The following ZNF446 variants were observed in gnomAD, a reference collection of about 807,000 sequenced individuals.
ZNF446 encodes zinc finger protein with KRAB and SCAN domains 20.
ZNF446 carries 42 observed loss-of-function variants against 34.0 expected under a neutral mutation model. The ratio of observed to expected loss-of-function variants is 1.23; its 90% CI spans 0.96 to 1.60. The LOEUF (loss-of-function observed/expected upper bound fraction) is 1.60. Ranked by LOEUF, ZNF446 falls within the 40% of genes most tolerant of loss-of-function variation. The probability of loss-of-function intolerance (pLI) is 0.00; values close to 1 mark genes in which losing one functional copy is unlikely to be tolerated. For missense variants in ZNF446, 650 were observed against 600.2 expected, an observed-to-expected ratio of 1.08 and a Z score of -0.87; for synonymous variants, 315 against 251.0, an observed-to-expected ratio of 1.25 and a Z score of -2.41.
chr19:58,479,069 C>T (rs2053114455), intron 4 of ZNF446, among the ~76,000 whole-genome samples: 2 of 152,202 alleles, frequency 1.3e-5, no homozygotes, highest in Admixed American at 1.3e-4. Flanking sequence ...CACTGGGGAG[C>T]TTCAGCAGCA....
the ZNF446 span, among the ~76,000 whole-genome samples, chr19:58,488,469 A>G: frequency 6.6e-6 from 1 of 152,174 alleles, no homozygotes; most frequent in African/African-American, 2.4e-5. Flanking sequence ...ACACATCAAT[A>G]TAACGTGATG....
the ZNF446 span, among the ~76,000 whole-genome samples, chr19:58,486,717 T>TTGGG: frequency 7.8e-5 from 7 of 89,972 alleles, no homozygotes; most frequent in African/African-American, 2.6e-4. Flanking sequence ...CTTTTTTTTT[T>TTGGG]GGGGGGGGGC....
In ZNF446 at chr19:58,480,544, G is replaced by C. The variant is rs1207309068; in HGVS notation, c.1171G>C (p.Gly391Arg). ...GCACCACCCCCGACGCTCACTCACA[G>C]GCCCCCGGAGTTACCCGTGTGAGGA... ...FPHHPRRSLTGPRSYPCEECG... is the reference protein window; with the variant it reads ...FPHHPRRSLTRPRSYPCEECG... The change falls in exon 7 of 7, where the codon GGC becomes CGC. Residue 391 changes from glycine to arginine, a missense_variant. By Grantham distance (125) the Gly-to-Arg change is moderately radical (BLOSUM62 -2). Coordinates refer to ENST00000594369, the MANE Select transcript of ZNF446 (RefSeq NM_017908.4). The surrounding 1 kb of genome is among the most constrained non-coding windows in gnomAD (Gnocchi z 7.2). 12 of 1,612,814 alleles carry C rather than the reference G, an allele frequency of 7.4e-6. No individual in the cohort carries two copies. The highest frequency in any genetic ancestry group is 1.0e-5 in the Non-Finnish European group (12 of 1,179,810).
chr19:58,485,097 A>G (rs374895980), downstream of ZNF446, among the ~76,000 whole-genome samples: 91 of 152,296 alleles, frequency 6.0e-4, 1 homozygote, highest in East Asian at 0.014. Context: ...AAAAGATTCT[A>G]AAATGCATGT....
downstream of ZNF446, among the ~76,000 whole-genome samples, chr19:58,486,224 C>T (rs553017248): frequency 6.7e-6 from 1 of 149,148 alleles, no homozygotes; most frequent in Non-Finnish European, 1.5e-5. Flanking sequence ...CTCCCGATAG[C>T]TGAGACTACA....
chr19:58,479,988 G>A lies in ZNF446; in HGVS notation c.771G>A (p.Thr257=), dbSNP rs745463183. The change falls in exon 6 of 7, where the codon ACG becomes ACA. Residue 257 remains threonine, a synonymous_variant. Transcript: ENST00000594369. ...QAQSELGMLL[T]GTGVCRSLRS... is the part of the protein sequence containing the mutation. ...AGTCAGAGCTGGGGATGCTGCTCAC[G>A]GGGACAGGCGTCTGCAGAAGCCTGC... 56 of 1,590,382 alleles carry A rather than the reference G, an allele frequency of 3.5e-5. No homozygotes were observed. Among genetic ancestry groups the A allele is most frequent in the Admixed American group, 1.9e-4 (11 of 56,926 alleles).
downstream of ZNF446, among the ~76,000 whole-genome samples, chr19:58,486,053 ACC>A (rs1287979547): frequency 6.7e-6 from 1 of 148,298 alleles, no homozygotes; most frequent in Non-Finnish European, 1.5e-5. Context: ...AGTAGCTGGG[ACC>A]ACAGGCACAT....
chr19:58,486,888 C>T, the ZNF446 span, among the ~76,000 whole-genome samples: 192 of 151,808 alleles, frequency 1.3e-3, 1 homozygote, highest in East Asian at 9.7e-4. Flanking sequence ...CTGCAAGCTC[C>T]GCCTCCTGGG....
rs1221499003 is a variant in ZNF446, at chr19:58,477,477, C to A, written c.259C>A (p.Arg87Ser). The A allele has an allele frequency of 6.2e-7, 1 of 1,613,456 alleles. No individual in the cohort carries two copies. Among genetic ancestry groups the A allele is most frequent in the Admixed American group, 1.7e-5 (1 of 59,998 alleles). ...TLPPEIQAWVRGQRPGSPEEA... is the reference protein window; with the variant it reads ...TLPPEIQAWVSGQRPGSPEEA... ...GCCTCCCGAGATCCAGGCCTGGGTG[C>A]GCGGTCAGCGGCCAGGCAGTCCTGA... Residue 87 changes from arginine to serine, a missense_variant, in exon 2 of 7, where the codon CGC (arginine) becomes AGC (serine). Coordinates refer to ENST00000594369, the MANE Select transcript of ZNF446 (RefSeq NM_017908.4).
chr19:58,479,927 C>G lies in ZNF446; in HGVS notation c.713-3C>G. 1 of 1,569,792 alleles carries G rather than the reference C, an allele frequency of 6.4e-7. No individual in the cohort carries two copies. The highest frequency in any genetic ancestry group is 8.6e-7 in the Non-Finnish European group (1 of 1,160,730). Reference sequence around the variant, plus strand: ...TGCCTAACTGTGCCCCCCACCCGGGCAGGGTTACCGCCCCACCAGCCAGAG... The same window carrying G: ...TGCCTAACTGTGCCCCCCACCCGGGGAGGGTTACCGCCCCACCAGCCAGAG... On this transcript the variant is annotated splice_region_variant and splice_polypyrimidine_tract_variant and intron_variant, in intron 5 of 6. Coordinates refer to ENST00000594369, the MANE Select transcript of ZNF446 (RefSeq NM_017908.4).
chr19:58,486,040 C>T (rs2122461755), downstream of ZNF446, among the ~76,000 whole-genome samples: 1 of 151,732 alleles, frequency 6.6e-6, no homozygotes, highest in Admixed American at 6.6e-5. Flanking sequence ...CCTCAGCCTC[C>T]TGAGTAGCTG....
chr19:58,479,695 T>C lies in ZNF446; in HGVS notation c.680T>C (p.Met227Thr). 3.7e-6 allele frequency: 6 copies of C among 1,613,692 alleles called. No homozygotes were observed. Among genetic ancestry groups the C allele is most frequent in the Non-Finnish European group, 5.1e-6 (6 of 1,179,916 alleles). ...RSQKELYWDA[M>T]LEKYGTVVSL... The stretch of plus-strand genomic sequence containing the variant: ...CAGAAGGAACTGTACTGGGATGCGA[T>C]GCTGGAGAAGTACGGCACAGTGGTC... Residue 227 changes from methionine to threonine, a missense_variant, in exon 5 of 7, where the codon ATG becomes ACG. By Grantham distance (81) the Met-to-Thr change is moderately conservative (BLOSUM62 -1). Coordinates refer to ENST00000594369, the MANE Select transcript of ZNF446 (RefSeq NM_017908.4).
chr19:58,482,816 A>C (rs1225088038), downstream of ZNF446, among the ~76,000 whole-genome samples: 7 of 152,186 alleles, frequency 4.6e-5, no homozygotes, highest in African/African-American at 7.2e-5. Flanking sequence ...GAGAAGAAGA[A>C]GACAGAGCAG....
chr19:58,482,985 T>C (rs2053150266), downstream of ZNF446, among the ~76,000 whole-genome samples: 1 of 152,154 alleles, frequency 6.6e-6, no homozygotes, highest in South Asian at 2.1e-4. Flanking sequence ...CTTAGAAAAA[T>C]TTGAAATACA....
At chr19:58,486,722 G>GGGT in the ZNF446 span, among the ~76,000 whole-genome samples, 1 of 108,330 alleles carries the variant, frequency 9.2e-6, no homozygotes, top group African/African-American at 4.1e-5. Flanking sequence ...TTTTTTGGGG[G>GGGT]GGGGCGGGGA....
rs577595268 is a variant in ZNF446 at position 58,477,764 on chromosome 19, A to T, written c.470A>T (p.Glu157Val). ...PGEGPQDTRI[E>V]GSVQLSCSVK... ...GAAGGTCCCCAGGACACCAGAATAG[A>T]GGGGTCTGTCCAGCTCAGCTGCAGT... The change falls in exon 3 of 7, where the codon GAG becomes GTG. Residue 157 changes from glutamate to valine, a missense_variant. Physicochemically the swap from Glu to Val is moderately radical, Grantham distance 121. Transcript: ENST00000594369. 5.2e-5 allele frequency: 83 copies of T among 1,611,036 alleles called. 3 individuals are homozygous for T. In the South Asian group the frequency reaches 7.7e-4, roughly 15 times the overall value.
In ZNF446 at chr19:58,480,849, C is replaced by T. The variant is rs1568618993; in HGVS notation, c.*123C>T. ...GCCAGAGTGAACAAGGGGTCCCAAGCCAGTTCCCTGCCCCTGGTCTGGTCT... is the reference window on the plus strand; with the variant it reads ...GCCAGAGTGAACAAGGGGTCCCAAGTCAGTTCCCTGCCCCTGGTCTGGTCT... On this transcript the variant is annotated 3_prime_UTR_variant, in exon 7 of 7. Transcript: ENST00000594369. This position sits in a 1 kb window ranked among gnomAD's most constrained non-coding sequence, Gnocchi z 7.2. 8.4e-7 allele frequency: 1 copy of T among 1,194,858 alleles called. No homozygotes were observed. The highest frequency in any genetic ancestry group is 1.5e-5 in the South Asian group (1 of 67,532). 74.0% of individuals were successfully genotyped at this position (1,194,858 alleles called of 1,614,324 possible).
chr19:58,483,892 G>A (rs1027012979), downstream of ZNF446: 5 of 152,060 alleles, frequency 3.3e-5, no homozygotes, highest in Non-Finnish European at 5.9e-5. Context: ...TTTTCTGGCT[G>A]GCACCATCAT....
At chr19:58,479,562 C>G in intron 4 of ZNF446, 81 bp from the exon 5 acceptor site, 1 of 1,482,148 alleles carries the variant, frequency 6.7e-7, no homozygotes, top group East Asian at 2.3e-5. Flanking sequence ...GCTGACTCTT[C>G]CGGGTAATAG....
Sources: allele counts gnomAD v4.1 joint callset (sites outside exome capture counted in the v4.1 genomes callset), GRCh38; gene constraint gnomAD v4.1.1; non-coding constraint Gnocchi (gnomAD v3.1); transcripts MANE v1.5; gene names NCBI Gene and HGNC (gene_info 2026-07-23, HGNC 2026-07-21).